NEK7: variants seen among roughly 807,000 people sequenced by gnomAD.
NEK7 encodes the protein serine/threonine-protein kinase Nek7.
A neutral mutation model predicts 44.6 loss-of-function variants in NEK7; 18 were observed. That is an observed-to-expected ratio of 0.40 (90% CI 0.28 to 0.60). The LOEUF is 0.60. Ranked by LOEUF, NEK7 falls within the 20% of genes least tolerant of loss-of-function variation. The pLI, the probability that NEK7 is intolerant of heterozygous loss-of-function variation, is 0.38. For missense variants in NEK7, 256 were observed against 366.5 expected (o/e 0.70, Z 2.46); for synonymous variants, 130 against 121.1 (o/e 1.07, Z -0.48).
At chr1:198,209,142 GTATA>G (rs1190753080) in intron 1 of NEK7, among the ~76,000 whole-genome samples, 9 of 82,550 alleles carry the variant, frequency 1.1e-4, no homozygotes, top group African/African-American at 4.4e-4. Flanking sequence ...ATATGTATGT[GTATA>G]TATATACTTT....
chr1:198,268,619 A>G (rs1400825708), intron 5 of NEK7, among the ~76,000 whole-genome samples: 2 of 152,108 alleles, frequency 1.3e-5, no homozygotes, highest in Non-Finnish European at 2.9e-5. Flanking sequence ...AAACAAAGAA[A>G]AAAGAAAAAC....
chr1:198,283,882 A>G (rs1313250158), intron 7 of NEK7, among the ~76,000 whole-genome samples: 4 of 152,254 alleles, frequency 2.6e-5, no homozygotes, highest in African/African-American at 4.8e-5. Flanking sequence ...AATGGGTTGT[A>G]TGACCCACAA....
chr1:198,159,151 C>T (rs1434385221), intron 1 of NEK7, among the ~76,000 whole-genome samples: 2 of 152,196 alleles, frequency 1.3e-5, no homozygotes, highest in Non-Finnish European at 2.9e-5. Context: ...TACTGACGGC[C>T]TTCGCAGCCA....
At chr1:198,171,679 A>G (rs1436547255) in intron 1 of NEK7, among the ~76,000 whole-genome samples, 6 of 105,166 alleles carry the variant, frequency 5.7e-5, no homozygotes, top group African/African-American at 1.8e-4. Flanking sequence ...ACTCCGTCTG[A>G]AAAAAAAAAA....
chr1:198,238,092 T>A, intron 2 of NEK7, among the ~76,000 whole-genome samples: 2 of 152,188 alleles, frequency 1.3e-5, no homozygotes, highest in East Asian at 3.8e-4. Flanking sequence ...CATAAATATC[T>A]TCAGAATTTG....
chr1:198,267,362 A>G (rs1318099891), intron 5 of NEK7, among the ~76,000 whole-genome samples: 5 of 152,182 alleles, frequency 3.3e-5, no homozygotes, highest in African/African-American at 9.6e-5. Flanking sequence ...AGTAGAATAT[A>G]TGATATGCCA....
At chr1:198,306,571 C>A (rs1314996615) in intron 9 of NEK7, among the ~76,000 whole-genome samples, 1 of 152,042 alleles carries the variant, frequency 6.6e-6, no homozygotes, top group African/African-American at 2.4e-5. Context: ...ATGGCAGGAG[C>A]ACAAATAACT....
At chr1:198,202,472 G>A (rs2102795146) in intron 1 of NEK7, among the ~76,000 whole-genome samples, 1 of 152,276 alleles carries the variant, frequency 6.6e-6, no homozygotes, top group Middle Eastern at 3.4e-3. Flanking sequence ...TCAGGCAGGT[G>A]GTGTTCCACG....
intron 9 of NEK7, among the ~76,000 whole-genome samples, chr1:198,310,719 T>C (rs988335571): frequency 2.0e-5 from 3 of 152,154 alleles, no homozygotes; most frequent in Non-Finnish European, 4.4e-5. Flanking sequence ...CCATTGCTTG[T>C]TTTTCTCAGG....
At chr1:198,281,661 A>G (rs1364275106) in intron 7 of NEK7, among the ~76,000 whole-genome samples, 2 of 152,124 alleles carry the variant, frequency 1.3e-5, no homozygotes, top group Non-Finnish European at 2.9e-5. Context: ...TTTTCAAAAT[A>G]CATTTTTGTT....
rs181176931 is a variant in NEK7 at position 198,252,498 on chromosome 1, C to A, written c.58-542C>A. 1.8e-3 allele frequency among the ~76,000 whole-genome samples: 235 copies of A among 129,314 alleles called. 1 individual carries two copies. Among genetic ancestry groups the A allele is most frequent in the Middle Eastern group, 0.01 (2 of 196 alleles). 84.8% of individuals were successfully genotyped at this position (129,314 alleles called of 152,430 possible). A position where few individuals can be genotyped will look rare whatever the true frequency, so the allele number is the denominator to read the frequency against. ...TGTTGTATCCTTCTTCCTTAATTAA[C>A]TTCCTTTTTAGGCTTTCCTATCTCA... On this transcript the variant is annotated intron_variant, in intron 2 of 9. Transcript: ENST00000367385.
chr1:198,316,995 G>T (rs1322638476), intron 9 of NEK7, among the ~76,000 whole-genome samples: 1 of 152,176 alleles, frequency 6.6e-6, no homozygotes, highest in Admixed American at 6.5e-5. Context: ...TGCTGGAGTG[G>T]ATAAGTGGGA....
intron 1 of NEK7, among the ~76,000 whole-genome samples, chr1:198,193,323 T>C (rs911600320): frequency 6.6e-6 from 1 of 151,918 alleles, no homozygotes; most frequent in Admixed American, 6.6e-5. Flanking sequence ...ATAAATAGCC[T>C]ACTAACCAAA....
At chr1:198,302,863 G>A (rs760564742) in intron 9 of NEK7, among the ~76,000 whole-genome samples, 11 of 150,716 alleles carry the variant, frequency 7.3e-5, no homozygotes, top group South Asian at 2.1e-4. Context: ...GTACCTGTGC[G>A]GCATGGCATC....
intron 2 of NEK7, among the ~76,000 whole-genome samples, chr1:198,233,406 C>T (rs1666456967): frequency 6.6e-6 from 1 of 152,148 alleles, no homozygotes; most frequent in Admixed American, 6.6e-5. Context: ...ACAGTTGCCA[C>T]CCCATGTCAG....
At chr1:198,237,668 T>A (rs1445458715) in intron 2 of NEK7, among the ~76,000 whole-genome samples, 1 of 152,232 alleles carries the variant, frequency 6.6e-6, no homozygotes, top group Non-Finnish European at 1.5e-5. Context: ...ATCTTCCTAA[T>A]TGATCTCTTT....
At position 198,321,835 on chromosome 1, in the gene NEK7, T is replaced by G. The variant is rs1655543041; in HGVS notation, c.*2313T>G. 6.6e-6 allele frequency: 1 copy of G among 152,156 alleles called. No individual in the cohort carries two copies. Among genetic ancestry groups the G allele is most frequent in the African/African-American group, 2.4e-5 (1 of 41,454 alleles). The allele number at this position is 152,156 out of a possible 1,614,324, so 9.4% of individuals were successfully genotyped here. On this transcript the variant is annotated 3_prime_UTR_variant, in exon 10 of 10. Transcript: ENST00000367385. Reference sequence around the variant, plus strand: ...AATGTTCTTTATATGTGTTCATAAGTAAATTTTATATTGATTAAGTTAAAC... The same window carrying G: ...AATGTTCTTTATATGTGTTCATAAGGAAATTTTATATTGATTAAGTTAAAC...
intron 1 of NEK7, among the ~76,000 whole-genome samples, chr1:198,216,487 AT>A (rs2102831822): frequency 6.6e-6 from 1 of 152,150 alleles, no homozygotes; most frequent in East Asian, 1.9e-4. Flanking sequence ...AGTCTGAAAG[AT>A]CACAAATTGG....
At chr1:198,222,531 ACGT>A in intron 1 of NEK7, among the ~76,000 whole-genome samples, 1 of 152,124 alleles carries the variant, frequency 6.6e-6, no homozygotes. Context: ...TGGTACCACC[ACGT>A]GCTGTTTCCC....
Sources: gnomAD v4.1 joint callset for allele counts (sites outside exome capture counted in the v4.1 genomes callset) on GRCh38, gnomAD v4.1.1 for gene constraint, MANE v1.5 for transcripts, NCBI Gene and HGNC (gene_info 2026-07-23, HGNC 2026-07-21) for gene names.